Variants in SNURF observed in about 807,000 individuals in gnomAD.
SNURF encodes SNRPN upstream open reading frame.
Under a neutral mutation model 11.6 loss-of-function variants are expected in SNURF, and 6 were observed. The ratio of observed to expected loss-of-function variants is 0.52; its 90% CI spans 0.28 to 1.02. The LOEUF (loss-of-function observed/expected upper bound fraction) is 1.02, where lower values mean the gene tolerates loss of function less well. Ranked by LOEUF, SNURF falls within the 50% of genes least tolerant of loss-of-function variation. SNURF has a pLI of 0.09. For synonymous variants in SNURF, 29 were observed against 31.6 expected (o/e 0.92, Z 0.27); for missense variants, 84 against 88.4 (o/e 0.95, Z 0.20).
chr15:24,964,100 T>G (rs1019437476), intron 2 of SNURF, among the ~76,000 whole-genome samples: 1 of 152,060 alleles, frequency 6.6e-6, no homozygotes, highest in East Asian at 1.9e-4. Flanking sequence ...AAAGATTTTT[T>G]TTTTATTTTT....
At chr15:24,975,649 A>AC in intron 4 of SNURF, 1 of 679,446 alleles carries the variant, frequency 1.5e-6, no homozygotes, top group Non-Finnish European at 2.5e-6. Context: ...TAACCTCTTG[A>AC]CCTGATCTCT....
At chr15:24,977,809 C>G (rs1085307632) in exon 7 of SNURF, 7 of 1,613,042 alleles carry the variant, frequency 4.3e-6, no homozygotes, top group Non-Finnish European at 5.9e-6. Context: ...GGCACTGTAG[C>G]AGCTGCTGCT....
At chr15:24,975,744 T>C (rs968128233) in intron 4 of SNURF, among the ~76,000 whole-genome samples, 1 of 152,210 alleles carries the variant, frequency 6.6e-6, no homozygotes, top group Non-Finnish European at 1.5e-5. Flanking sequence ...GTATATGCTA[T>C]GGTCAGAATA....
At chr15:24,974,814 C>T (rs1414886792) in intron 3 of SNURF, 1 of 657,040 alleles carries the variant, frequency 1.5e-6, no homozygotes, top group African/African-American at 1.8e-5. Flanking sequence ...CCACCTCGGC[C>T]TCCCAAAGTG....
rs1233598811 is a variant in SNURF, at chr15:24,962,221, CTG to C, written c.110+16_110+17del. 2.5e-6 allele frequency: 4 copies of C among 1,608,100 alleles called. No homozygotes were observed. The highest frequency in any genetic ancestry group is 1.7e-5 in the Admixed American group (1 of 59,968). On this transcript the variant is annotated intron_variant, in intron 2 of 2. Coordinates refer to ENST00000577949, the Ensembl canonical transcript of SNURF. The stretch of plus-strand genomic sequence containing the variant: ...CTGAGCAACCAAGAGTGAGTACAGA[CTG>C]TGTTGGGAACAAATGCAAGTCAGAA...
Position 24,956,837 on chromosome 15 carries a change from G to A in SNURF, c.14+1775G>A, listed in dbSNP as rs145330599. 2.1e-3 allele frequency among the ~76,000 whole-genome samples: 326 copies of A among 152,278 alleles called. 8 individuals carry two copies. The East Asian group carries it at 0.045, about 21-fold the overall frequency. On this transcript the variant is annotated intron_variant, in intron 1 of 2. Transcript: ENST00000577949. ...GCATTTGTACCACCTCCGCCTGTGT[G>A]GGATGGCAGCTGCACTGGGCTACTG...
chr15:24,975,181 T>A (rs1481820851), intron 3 of SNURF, among the ~76,000 whole-genome samples: 1 of 152,100 alleles, frequency 6.6e-6, no homozygotes, highest in Admixed American at 6.5e-5. Flanking sequence ...TCATAATCCT[T>A]TGTGGTCCTC....
chr15:24,966,358 G>A (rs1194579994), intron 2 of SNURF, among the ~76,000 whole-genome samples: 1 of 152,106 alleles, frequency 6.6e-6, no homozygotes, highest in Non-Finnish European at 1.5e-5. Flanking sequence ...AATCTTCCCT[G>A]TCCTCAGGAT....
In SNURF at chr15:24,955,152, T is replaced by A. The variant is rs2062628707; in HGVS notation, c.14+90T>A. 3 of 1,563,726 alleles carry A rather than the reference T, an allele frequency of 1.9e-6. No individual in the cohort carries two copies. The South Asian group carries it at 3.4e-5, about 18-fold the overall frequency. Reference sequence around the variant, plus strand: ...TATTCCAAGTTTTTAGGACTTGGAGTACTGAATAAACGGAATTTGGGCCCT... The same window carrying A: ...TATTCCAAGTTTTTAGGACTTGGAGAACTGAATAAACGGAATTTGGGCCCT... On this transcript the variant is annotated intron_variant, in intron 1 of 2. Coordinates refer to ENST00000577949, the Ensembl canonical transcript of SNURF.
At position 24,962,223 on chromosome 15, in the gene SNURF, G is replaced by C; in HGVS notation, c.110+14G>C. 6.2e-7 allele frequency: 1 copy of C among 1,607,256 alleles called. No individual in the cohort carries two copies. The highest frequency in any genetic ancestry group is 1.1e-5 in the South Asian group (1 of 90,934). On this transcript the variant is annotated intron_variant, in intron 2 of 2. Coordinates refer to ENST00000577949, the Ensembl canonical transcript of SNURF. ...GAGCAACCAAGAGTGAGTACAGACT[G>C]TGTTGGGAACAAATGCAAGTCAGAA... is the stretch of plus-strand genomic sequence containing the variant.
chr15:24,956,380 A>G (rs1394315168), intron 1 of SNURF, among the ~76,000 whole-genome samples: 2 of 143,274 alleles, frequency 1.4e-5, no homozygotes, highest in African/African-American at 5.2e-5. Context: ...TCCTCCCTGT[A>G]GAGCCGCCAG....
At position 24,977,064 on chromosome 15, in the gene SNURF, A is replaced by G. The variant is rs754982764; in HGVS notation, c.*462+35A>G. On this transcript the variant is annotated intron_variant and NMD_transcript_variant, in intron 6 of 6. Transcript: ENST00000580062. ...CAGCAGAGGGTTTTATATTATTGGGAGAATATGACTAAGCCGGAGGCCGAG... is the reference window on the plus strand; with the variant it reads ...CAGCAGAGGGTTTTATATTATTGGGGGAATATGACTAAGCCGGAGGCCGAG... The G allele has an allele frequency of 8.0e-6, 12 of 1,508,424 alleles. No homozygotes were observed. In the East Asian group the frequency reaches 2.8e-4, roughly 35 times the overall value. The allele number at this position is 1,508,424 out of a possible 1,614,324, so 93.4% of individuals were successfully genotyped here.
chr15:24,978,067 G>T, downstream of SNURF: 1 of 1,206,468 alleles, frequency 8.3e-7, no homozygotes, highest in Non-Finnish European at 1.2e-6. Flanking sequence ...AAGAGTAATT[G>T]TCATATAGAA....
At chr15:24,975,671 G>T (rs1023027619) in intron 4 of SNURF, among the ~76,000 whole-genome samples, 1 of 152,236 alleles carries the variant, frequency 6.6e-6, no homozygotes, top group Admixed American at 6.5e-5. Flanking sequence ...AATTAGGTCA[G>T]AGTCTGCATC....
In SNURF at chr15:24,962,094, G is replaced by A. The variant is rs772044025; in HGVS notation, c.15-20G>A. 6.2e-7 allele frequency: 1 copy of A among 1,600,088 alleles called. No individual in the cohort carries two copies. The highest frequency in any genetic ancestry group is 1.1e-5 in the South Asian group (1 of 90,824). On this transcript the variant is annotated intron_variant, in intron 1 of 2. Coordinates refer to ENST00000577949, the Ensembl canonical transcript of SNURF. ...GATTGATGCAGTCTACCAAACAAAT[G>A]CCTCTCTTTTCTGTTTCAGGGATCG...
rs555314066 is a variant in SNURF, at chr15:24,956,578, A to AGTGGGGCGAGAC, written c.14+1524_14+1535dup. Among the ~76,000 whole-genome samples, 688 of 152,306 alleles carry AGTGGGGCGAGAC rather than the reference A, an allele frequency of 4.5e-3. 1 individual carries two copies. The highest frequency in any genetic ancestry group is 8.5e-3 in the Non-Finnish European group (577 of 68,030). ...AGAGGTGACAGTCGCCTCCGCTTGC[A>AGTGGGGCGAGAC]GTGGGGCGAGACGTGGGGCAGGGGA... is the stretch of plus-strand genomic sequence containing the variant. On this transcript the variant is annotated intron_variant, in intron 1 of 2. Coordinates refer to ENST00000577949, the Ensembl canonical transcript of SNURF.
At chr15:24,956,743 A>G (rs1596169198) in intron 1 of SNURF, among the ~76,000 whole-genome samples, 1 of 152,286 alleles carries the variant, frequency 6.6e-6, no homozygotes, top group South Asian at 2.1e-4. Context: ...CCGCCTAGCA[A>G]GCTTGGCAGC....
exon 4 of SNURF, chr15:24,975,409 T>C: frequency 6.2e-7 from 1 of 1,613,030 alleles, no homozygotes; most frequent in Admixed American, 1.7e-5. Context: ...TAGAATGAGA[T>C]GTATCCTGCA....
intron 2 of SNURF, among the ~76,000 whole-genome samples, chr15:24,967,658 A>G (rs995459707): frequency 1.5e-4 from 21 of 140,510 alleles, no homozygotes; most frequent in African/African-American, 5.3e-4. Flanking sequence ...AAAAAAAAAA[A>G]TTAGCTGGGT....
Sources: allele counts gnomAD v4.1 joint callset (sites outside exome capture counted in the v4.1 genomes callset), GRCh38; gene constraint gnomAD v4.1.1; transcripts MANE v1.5; gene names NCBI Gene and HGNC (gene_info 2026-07-23, HGNC 2026-07-21).